Variants in STK32A observed in about 807,000 individuals in gnomAD.
STK32A encodes serine/threonine kinase 32A, also known as serine/threonine-protein kinase 32A.
In STK32A, 41 loss-of-function variants were observed where a neutral mutation model predicts 53.2. The ratio of observed to expected loss-of-function variants is 0.77; its 90% CI spans 0.60 to 1.00. The LOEUF (loss-of-function observed/expected upper bound fraction) is 1.00, where lower values mean the gene tolerates loss of function less well. STK32A is among the 50% of genes least tolerant of loss of function. The pLI is 0.00. For missense variants in STK32A, 458 were observed against 485.8 expected, an observed-to-expected ratio of 0.94 and a Z score of 0.54; for synonymous variants, 166 against 162.8, an observed-to-expected ratio of 1.02 and a Z score of -0.15.
At chr5:147,267,207 A>C (rs2151949654) in intron 2 of STK32A, among the ~76,000 whole-genome samples, 1 of 152,308 alleles carries the variant, frequency 6.6e-6, no homozygotes, top group Non-Finnish European at 1.5e-5. Context: ...CCTCATTATA[A>C]CCTTAGAAGG....
chr5:147,295,879 C>T (rs1345906409), intron 4 of STK32A, among the ~76,000 whole-genome samples: 4 of 152,144 alleles, frequency 2.6e-5, no homozygotes, highest in African/African-American at 9.7e-5. Flanking sequence ...AAACACAGAG[C>T]GGAGCTCAAA....
intron 2 of STK32A, among the ~76,000 whole-genome samples, chr5:147,252,123 G>A (rs1268485332): frequency 1.3e-5 from 2 of 151,840 alleles, no homozygotes; most frequent in African/African-American, 4.8e-5. Flanking sequence ...CACTAGCCTG[G>A]GCAACAGAGC....
At chr5:147,365,834 A>G (rs548386977) in intron 8 of STK32A, among the ~76,000 whole-genome samples, 2 of 152,316 alleles carry the variant, frequency 1.3e-5, no homozygotes, top group African/African-American at 4.8e-5. Flanking sequence ...GTATTTAACT[A>G]TCACCTATCT....
At chr5:147,315,324 G>A (rs956020943) in intron 4 of STK32A, among the ~76,000 whole-genome samples, 3 of 152,170 alleles carry the variant, frequency 2.0e-5, no homozygotes, top group Admixed American at 2.0e-4. Flanking sequence ...GAAATAACCC[G>A]AATGTCCATC....
chr5:147,347,922 G>A (rs17482554), intron 6 of STK32A, among the ~76,000 whole-genome samples: 33,201 of 152,130 alleles, frequency 0.22, 4,309 homozygotes, highest in Middle Eastern at 0.33. Context: ...CAGGTTACAA[G>A]ATCCAGTAGA....
At chr5:147,330,607 T>G (rs201147833) in intron 5 of STK32A, among the ~76,000 whole-genome samples, 4 of 152,230 alleles carry the variant, frequency 2.6e-5, no homozygotes, top group East Asian at 3.9e-4. Context: ...AATATAGCCC[T>G]GAACTTCCCT....
intron 4 of STK32A, among the ~76,000 whole-genome samples, chr5:147,279,765 G>T (rs564543769): frequency 6.6e-6 from 1 of 152,268 alleles, no homozygotes; most frequent in African/African-American, 2.4e-5. Flanking sequence ...AAATATGAAT[G>T]TTCCTGGAAC....
chr5:147,394,583 T>C, the STK32A span, among the ~76,000 whole-genome samples: 19 of 151,900 alleles, frequency 1.3e-4, no homozygotes, highest in African/African-American at 4.6e-4. Context: ...CAGGTCTTTG[T>C]GACAACAGCA....
intron 2 of STK32A, among the ~76,000 whole-genome samples, chr5:147,277,641 T>C (rs1751827968): frequency 6.6e-6 from 1 of 152,202 alleles, no homozygotes; most frequent in African/African-American, 2.4e-5. Context: ...CATTTTAAAG[T>C]GCTGATCCTC....
chr5:147,363,028 G>C (rs1030028672), intron 8 of STK32A, among the ~76,000 whole-genome samples: 1 of 152,030 alleles, frequency 6.6e-6, no homozygotes, highest in Non-Finnish European at 1.5e-5. Flanking sequence ...AGAGGCTGTA[G>C]TGAGCCAAGA....
At chr5:147,295,645 G>A (rs1752832722) in intron 4 of STK32A, among the ~76,000 whole-genome samples, 1 of 152,038 alleles carries the variant, frequency 6.6e-6, no homozygotes, top group African/African-American at 2.4e-5. Flanking sequence ...ATATATTTTT[G>A]TAATAAATTT....
the STK32A span, chr5:147,397,696 A>G: frequency 2.0e-5 from 33 of 1,614,118 alleles, no homozygotes; most frequent in Non-Finnish European, 2.8e-5. Flanking sequence ...GCTTGTAGAC[A>G]TAGTCGGAGA....
In STK32A at chr5:147,300,018, C is replaced by T. The variant is rs569371461; in HGVS notation, c.260+20620C>T. Among the ~76,000 whole-genome samples, 7 of 152,212 alleles carry T rather than the reference C, an allele frequency of 4.6e-5. No individual in the cohort carries two copies. In the East Asian group the frequency reaches 1.4e-3, roughly 29 times the overall value. On this transcript the variant is annotated intron_variant, in intron 4 of 12. Coordinates refer to ENST00000397936, the MANE Select transcript of STK32A (RefSeq NM_001112724.2). ...TATTTCTCTCTTCTCAGTGGCTTTCCTGGAAGCAGCCTCCATCATATGTGA... is the reference window on the plus strand; with the variant it reads ...TATTTCTCTCTTCTCAGTGGCTTTCTTGGAAGCAGCCTCCATCATATGTGA...
the STK32A span, among the ~76,000 whole-genome samples, chr5:147,396,762 T>G: frequency 6.6e-6 from 1 of 151,892 alleles, no homozygotes; most frequent in East Asian, 1.9e-4. Flanking sequence ...CCTTCTCTAT[T>G]AGGCCCAAAC....
intron 4 of STK32A, among the ~76,000 whole-genome samples, chr5:147,315,475 A>G (rs907527579): frequency 6.6e-6 from 1 of 152,222 alleles, no homozygotes; most frequent in Non-Finnish European, 1.5e-5. Flanking sequence ...TCCAGACACA[A>G]AAGGACCAAT....
the STK32A span, chr5:147,401,794 G>A: frequency 6.9e-7 from 1 of 1,442,764 alleles, no homozygotes; most frequent in Admixed American, 2.5e-5. Context: ...CCAGGACTGT[G>A]TCTCAGAGTC....
intron 7 of STK32A, among the ~76,000 whole-genome samples, chr5:147,355,162 A>G (rs1318968672): frequency 1.3e-5 from 2 of 152,242 alleles, no homozygotes; most frequent in South Asian, 4.1e-4. Flanking sequence ...ATATTCATCT[A>G]CTAATACAAG....
At chr5:147,337,942 C>T (rs993620562) in intron 5 of STK32A, among the ~76,000 whole-genome samples, 1 of 152,062 alleles carries the variant, frequency 6.6e-6, no homozygotes, top group East Asian at 1.9e-4. Flanking sequence ...AATAAGGAAA[C>T]TATTGGTGTG....
chr5:147,336,331 C>T (rs896366806), intron 5 of STK32A, among the ~76,000 whole-genome samples: 2 of 151,920 alleles, frequency 1.3e-5, no homozygotes, highest in South Asian at 2.1e-4. Flanking sequence ...CCAATCTCCC[C>T]CTCATCCCCC....
Sources: gnomAD v4.1 joint callset for allele counts (sites outside exome capture counted in the v4.1 genomes callset) on GRCh38, gnomAD v4.1.1 for gene constraint, MANE v1.5 for transcripts, NCBI Gene and HGNC (gene_info 2026-07-23, HGNC 2026-07-21) for gene names.